Variants in ADCY9 observed in about 807,000 individuals in gnomAD.
ADCY9 encodes the protein adenylate cyclase 9, also known as adenylate cyclase type 9.
ADCY9 carries 50 observed loss-of-function variants against 101.5 expected under a neutral mutation model. The ratio of observed to expected loss-of-function variants is 0.49; its 90% CI spans 0.39 to 0.62. The LOEUF is 0.62. Among genes scored for constraint, ADCY9 ranks in the 20% least tolerant of loss-of-function variants. ADCY9 has a pLI of 0.00. For missense variants in ADCY9, 1,662 were observed against 1,800.4 expected, an observed-to-expected ratio of 0.92 and a Z score of 1.39; for synonymous variants, 905 against 769.3, an observed-to-expected ratio of 1.18 and a Z score of -2.92.
chr16:4,110,374 T>G (rs2057106006), intron 2 of ADCY9, among the ~76,000 whole-genome samples: 1 of 136,482 alleles, frequency 7.3e-6, no homozygotes, highest in Non-Finnish European at 1.6e-5. Flanking sequence ...TACTTATACC[T>G]ACTTTTTTTT....
At chr16:4,087,824 T>A (rs1812276490) in intron 2 of ADCY9, among the ~76,000 whole-genome samples, 1 of 149,932 alleles carries the variant, frequency 6.7e-6, no homozygotes, top group Non-Finnish European at 1.5e-5. Context: ...TCTTTCTCTC[T>A]CTCTCTTCCT....
At chr16:3,998,783 G>A (rs1184777179) in intron 3 of ADCY9, among the ~76,000 whole-genome samples, 6 of 81,164 alleles carry the variant, frequency 7.4e-5, no homozygotes, top group South Asian at 3.7e-4. Context: ...GAAAAGAAAA[G>A]AAAAGAAAAG....
chr16:4,030,057 A>G (rs139671410), intron 2 of ADCY9, among the ~76,000 whole-genome samples: 23 of 152,214 alleles, frequency 1.5e-4, no homozygotes, highest in African/African-American at 5.3e-4. Context: ...GGTGATAACA[A>G]TGTTATCACC....
Position 4,115,981 on chromosome 16 carries a change from A to T in ADCY9, c.-335T>A, listed in dbSNP as rs1374253835. The T allele has an allele frequency of 2.7e-5, 7 of 256,282 alleles. 1 individual carries two copies. The highest frequency in any genetic ancestry group is 1.7e-4 in the African/African-American group (7 of 41,190). The allele number at this position is 256,282 out of a possible 1,614,324, so 15.9% of individuals were successfully genotyped here. A position where few individuals can be genotyped will look rare whatever the true frequency, so the allele number is the denominator to read the frequency against. Reference sequence around the variant, plus strand: ...GGCGCGCGGCCGGCCCCGGGCCCGGACCCCGACCCGGAGCAGCGAGCTTCG... The same window carrying T: ...GGCGCGCGGCCGGCCCCGGGCCCGGTCCCCGACCCGGAGCAGCGAGCTTCG... On this transcript the variant is annotated 5_prime_UTR_variant, in exon 1 of 11. Coordinates refer to ENST00000294016, the MANE Select transcript of ADCY9 (RefSeq NM_001116.4). The surrounding 1 kb of genome is among the most constrained non-coding windows in gnomAD (Gnocchi z 6.2).
At chr16:4,007,852 T>C (rs2056377845) in intron 2 of ADCY9, among the ~76,000 whole-genome samples, 1 of 152,014 alleles carries the variant, frequency 6.6e-6, no homozygotes, top group African/African-American at 2.4e-5. Flanking sequence ...AGTTCCTCCA[T>C]GAAAGGGTCC....
downstream of ADCY9, among the ~76,000 whole-genome samples, chr16:3,957,759 T>C (rs1271960945): frequency 2.6e-5 from 4 of 151,906 alleles, no homozygotes; most frequent in African/African-American, 4.8e-5. Context: ...GGCACAAGCA[T>C]GTCTGTGCCC....
At chr16:4,079,695 T>A (rs1295468749) in intron 2 of ADCY9, among the ~76,000 whole-genome samples, 1 of 152,158 alleles carries the variant, frequency 6.6e-6, no homozygotes, top group Non-Finnish European at 1.5e-5. Flanking sequence ...TGTTTAATGG[T>A]GTTAATGGTG....
At chr16:4,036,274 C>T (rs2056588784) in intron 2 of ADCY9, among the ~76,000 whole-genome samples, 1 of 151,950 alleles carries the variant, frequency 6.6e-6, no homozygotes, top group Non-Finnish European at 1.5e-5. Flanking sequence ...CACACCACGT[C>T]CCCTTATGAG....
rs1463059736 is a variant in ADCY9 at position 4,030,057 on chromosome 16, ATGTTATCACCATT to A, written c.1694-22512_1694-22500del. ...TGCTGACGGGTATGAGGTGATAACA[ATGTTATCACCATT>A]TGTTATCACCATTTGTAAAACAAGT... is the stretch of plus-strand genomic sequence containing the variant. On this transcript the variant is annotated intron_variant, in intron 2 of 10. Coordinates refer to ENST00000294016, the MANE Select transcript of ADCY9 (RefSeq NM_001116.4). Among the ~76,000 whole-genome samples, 11 of 152,214 alleles carry A rather than the reference ATGTTATCACCATT, an allele frequency of 7.2e-5. No individual in the cohort carries two copies. In the South Asian group the frequency reaches 1.2e-3, roughly 17 times the overall value.
chr16:4,026,722 A>G (rs1323098133), intron 2 of ADCY9, among the ~76,000 whole-genome samples: 1 of 152,174 alleles, frequency 6.6e-6, no homozygotes, highest in Non-Finnish European at 1.5e-5. Flanking sequence ...CTCTAGACTA[A>G]GTGGAAGAAA....
In ADCY9 at chr16:4,107,486, G is replaced by A. The variant is rs572056458; in HGVS notation, c.1693+6264C>T. ...GAACCGCTTGAACCTGGGAGGCAGAGGTTGCAGTAAGCTGAGATCACGCCA... is the reference window on the plus strand; with the variant it reads ...GAACCGCTTGAACCTGGGAGGCAGAAGTTGCAGTAAGCTGAGATCACGCCA... On this transcript the variant is annotated intron_variant, in intron 2 of 10. Coordinates refer to ENST00000294016, the MANE Select transcript of ADCY9 (RefSeq NM_001116.4). 2.1e-5 allele frequency among the ~76,000 whole-genome samples: 3 copies of A among 142,744 alleles called. No individual in the cohort carries two copies. In the South Asian group the frequency reaches 7.0e-4, roughly 33 times the overall value. The allele number at this position is 142,744 out of a possible 152,430, so 93.6% of individuals were successfully genotyped here. A position where few individuals can be genotyped will look rare whatever the true frequency, so the allele number is the denominator to read the frequency against.
At chr16:3,976,947 T>C (rs1211546258) in intron 9 of ADCY9, among the ~76,000 whole-genome samples, 1 of 152,224 alleles carries the variant, frequency 6.6e-6, no homozygotes, top group Non-Finnish European at 1.5e-5. Context: ...CATGAGCCAC[T>C]GTGCCCAGCC....
intron 2 of ADCY9, among the ~76,000 whole-genome samples, chr16:4,089,215 C>A (rs539692607): frequency 6.6e-6 from 1 of 152,168 alleles, no homozygotes; most frequent in Non-Finnish European, 1.5e-5. Context: ...GCTGGGACCA[C>A]AGGTGCATGC....
chr16:4,018,667 T>C (rs1212706447), intron 2 of ADCY9, among the ~76,000 whole-genome samples: 3 of 152,214 alleles, frequency 2.0e-5, no homozygotes, highest in African/African-American at 7.2e-5. Flanking sequence ...TCCACACTTG[T>C]CAGATCACCC....
chr16:4,086,418 G>A (rs1471151217), intron 2 of ADCY9, among the ~76,000 whole-genome samples: 2 of 152,032 alleles, frequency 1.3e-5, no homozygotes, highest in Non-Finnish European at 2.9e-5. Context: ...CCAGGCCTGT[G>A]ATGAAGGACA....
chr16:4,089,135 G>GGCTGGACTGCAGTGGC (rs60051660), intron 2 of ADCY9, among the ~76,000 whole-genome samples: 1 of 151,080 alleles, frequency 6.6e-6, no homozygotes, highest in South Asian at 2.1e-4. Context: ...CTGTCACCCA[G>GGCTGGACTGCAGTGGC]GCAATCTCAG....
At chr16:3,961,258 G>A (rs1054920646), downstream of ADCY9, among the ~76,000 whole-genome samples, 6 of 152,010 alleles carry the variant, frequency 3.9e-5, no homozygotes, top group African/African-American at 9.7e-5. Context: ...GAACAGCCTG[G>A]CCAACATGGC....
chr16:3,963,482 T>G lies in ADCY9; in HGVS notation c.*2293A>C. 2.5e-6 allele frequency: 1 copy of G among 393,946 alleles called. No homozygotes were observed. Among genetic ancestry groups the G allele is most frequent in the Admixed American group, 4.4e-5 (1 of 22,554 alleles). 24.4% of individuals were successfully genotyped at this position (393,946 alleles called of 1,614,324 possible). A position where few individuals can be genotyped will look rare whatever the true frequency, so the allele number is the denominator to read the frequency against. ...CAGAGAGAACGTCTGCACTGGCTGT[T>G]TAGGAAGGCTCAGGGTGTTTGAAAG... On this transcript the variant is annotated 3_prime_UTR_variant, in exon 11 of 11. Transcript: ENST00000294016.
At chr16:4,033,461 G>A (rs1253109952) in intron 2 of ADCY9, among the ~76,000 whole-genome samples, 2 of 144,228 alleles carry the variant, frequency 1.4e-5, no homozygotes, top group South Asian at 4.4e-4. Flanking sequence ...TTGAGACGGA[G>A]TCTTGCTCTG....
Sources: gnomAD v4.1 joint callset for allele counts (sites outside exome capture counted in the v4.1 genomes callset) on GRCh38, gnomAD v4.1.1 for gene constraint, Gnocchi (gnomAD v3.1) non-coding constraint, MANE v1.5 for transcripts, NCBI Gene and HGNC (gene_info 2026-07-23, HGNC 2026-07-21) for gene names.